The following RASSF3 variants were observed in gnomAD, a reference collection of about 807,000 sequenced individuals.
RASSF3 encodes the protein Ras association domain family member 3.
A neutral mutation model predicts 19.9 loss-of-function variants in RASSF3; 19 were observed. That is an observed-to-expected ratio of 0.96 (90% CI 0.67 to 1.40). The LOEUF is 1.40. RASSF3 is among the 40% of genes most tolerant of loss of function. The probability of loss-of-function intolerance (pLI) is 0.00; values close to 1 mark genes in which losing one functional copy is unlikely to be tolerated. For synonymous variants in RASSF3, 110 were observed against 104.2 expected, an observed-to-expected ratio of 1.06 and a Z score of -0.34; for missense variants, 306 against 289.8, an observed-to-expected ratio of 1.06 and a Z score of -0.41.
intron 1 of RASSF3, among the ~76,000 whole-genome samples, chr12:64,649,625 A>G (rs1871867974): frequency 6.6e-6 from 1 of 152,216 alleles, no homozygotes; most frequent in Non-Finnish European, 1.5e-5. Flanking sequence ...TTCTCAGGGA[A>G]CTCAGGAAAA....
At chr12:64,544,392 T>C (rs1044275129), downstream of RASSF3, among the ~76,000 whole-genome samples, 2 of 152,202 alleles carry the variant, frequency 1.3e-5, no homozygotes, top group African/African-American at 2.4e-5. Flanking sequence ...CCAGACATGC[T>C]GCTTTCAAGA....
chr12:64,613,868 A>C (rs1388680212), intron 1 of RASSF3, among the ~76,000 whole-genome samples: 2 of 152,106 alleles, frequency 1.3e-5, no homozygotes, highest in Non-Finnish European at 2.9e-5. Flanking sequence ...GCATTGCTTA[A>C]GGCCGGGAGG....
intron 1 of RASSF3, among the ~76,000 whole-genome samples, chr12:64,538,186 C>T (rs960558771): frequency 1.3e-5 from 2 of 151,904 alleles, no homozygotes; most frequent in Non-Finnish European, 2.9e-5. Flanking sequence ...AGATGGGATC[C>T]CTCCCTATGT....
At chr12:64,673,773 C>T (rs1330548074) in intron 1 of RASSF3, among the ~76,000 whole-genome samples, 2 of 151,718 alleles carry the variant, frequency 1.3e-5, no homozygotes, top group South Asian at 2.1e-4. Flanking sequence ...CAGAAATGAA[C>T]GGCATCTTAA....
At chr12:64,601,396 C>A (rs1190691917) in intron 2 of RASSF3, among the ~76,000 whole-genome samples, 1 of 152,170 alleles carries the variant, frequency 6.6e-6, no homozygotes, top group African/African-American at 2.4e-5. Context: ...GCTTTACTAC[C>A]ATGACTTAAG....
In RASSF3 at chr12:64,657,168, C is replaced by T. The variant is rs12828259; in HGVS notation, c.112-27619C>T. Among the ~76,000 whole-genome samples the T allele has an allele frequency of 7.4e-3, 1,122 of 152,062 alleles. 18 individuals carry two copies. The highest frequency in any genetic ancestry group is 0.026 in the African/African-American group (1,071 of 41,502). On this transcript the variant is annotated intron_variant, in intron 1 of 4. Transcript: ENST00000542104. ...CTGGGACTACAGGCCCACGCCACCA[C>T]GTCTGGCTAATTTTTGTATTTTTAG...
chr12:64,571,847 G>A (rs757368748), intron 2 of RASSF3, among the ~76,000 whole-genome samples: 9 of 152,152 alleles, frequency 5.9e-5, no homozygotes, highest in Non-Finnish European at 1.0e-4. Context: ...ATGAGTTGCT[G>A]CATACACAAA....
At chr12:64,565,296 G>A (rs2136127412) in intron 2 of RASSF3, among the ~76,000 whole-genome samples, 2 of 152,226 alleles carry the variant, frequency 1.3e-5, no homozygotes, top group Middle Eastern at 6.8e-3. Context: ...AAAAGAGCTG[G>A]CCAGGCGTGG....
At chr12:64,554,498 T>C (rs1869221077) in intron 2 of RASSF3, among the ~76,000 whole-genome samples, 1 of 152,062 alleles carries the variant, frequency 6.6e-6, no homozygotes, top group Non-Finnish European at 1.5e-5. Flanking sequence ...AGAGACAGGG[T>C]TTCGCCATGT....
chr12:64,587,106 T>C (rs1481652370), intron 2 of RASSF3, among the ~76,000 whole-genome samples: 1 of 87,394 alleles, frequency 1.1e-5, no homozygotes, highest in Non-Finnish European at 2.4e-5. Context: ...CAGGCTGGAG[T>C]GCAATGGTGC....
intron 2 of RASSF3, among the ~76,000 whole-genome samples, chr12:64,565,475 GA>G (rs1354928847): frequency 6.6e-6 from 1 of 152,132 alleles, no homozygotes; most frequent in Non-Finnish European, 1.5e-5. Flanking sequence ...CACTTTGGGA[GA>G]CCGAGGGAGG....
At chr12:64,684,009 A>AGTGT (rs1555216478) in intron 1 of RASSF3, among the ~76,000 whole-genome samples, 4 of 74,002 alleles carry the variant, frequency 5.4e-5, no homozygotes, top group African/African-American at 1.3e-4. Context: ...AGAGAGAGAG[A>AGTGT]GTGAGTGTGT....
chr12:64,552,392 G>A (rs1168247096), intron 2 of RASSF3, among the ~76,000 whole-genome samples: 1 of 151,988 alleles, frequency 6.6e-6, no homozygotes, highest in Admixed American at 6.6e-5. Context: ...TTTAGTTCTG[G>A]GGTACATGTG....
At chr12:64,579,289 TTAAG>T (rs1361677228) in intron 2 of RASSF3, among the ~76,000 whole-genome samples, 4 of 151,884 alleles carry the variant, frequency 2.6e-5, no homozygotes, top group Admixed American at 6.6e-5. Context: ...TAAGTTATAA[TTAAG>T]TGTTTTAATA....
intron 2 of RASSF3, among the ~76,000 whole-genome samples, chr12:64,586,303 G>A (rs1308115922): frequency 2.0e-5 from 3 of 147,898 alleles, no homozygotes; most frequent in East Asian, 2.0e-4. Context: ...CAGCCTGGGC[G>A]ACAGTGTGAG....
intron 1 of RASSF3, among the ~76,000 whole-genome samples, chr12:64,668,721 G>A (rs1272073649): frequency 2.9e-5 from 4 of 138,264 alleles, no homozygotes; most frequent in Admixed American, 8.1e-5. Flanking sequence ...TCACTCTGTC[G>A]CCCAGGCTGG....
intron 1 of RASSF3, among the ~76,000 whole-genome samples, chr12:64,634,087 T>G (rs1871249745): frequency 6.6e-6 from 1 of 152,178 alleles, no homozygotes; most frequent in African/African-American, 2.4e-5. Context: ...TGAGCCAGTA[T>G]GAGTCACTGC....
At chr12:64,561,849 C>T (rs1204754872) in intron 2 of RASSF3, among the ~76,000 whole-genome samples, 6 of 151,538 alleles carry the variant, frequency 4.0e-5, no homozygotes, top group Middle Eastern at 3.4e-3. Flanking sequence ...AGCCCAACCA[C>T]GCCTGGCTAA....
upstream of RASSF3, among the ~76,000 whole-genome samples, chr12:64,609,849 G>C (rs1870271546): frequency 6.6e-6 from 1 of 152,222 alleles, no homozygotes; most frequent in South Asian, 2.1e-4. Flanking sequence ...TTGGAAGTGA[G>C]CCCTCGCTAG....
Sources: allele counts gnomAD v4.1 joint callset (sites outside exome capture counted in the v4.1 genomes callset), GRCh38; gene constraint gnomAD v4.1.1; transcripts MANE v1.5; gene names NCBI Gene and HGNC (gene_info 2026-07-23, HGNC 2026-07-21).